FTO: variants seen among roughly 807,000 people sequenced by gnomAD.
FTO encodes FTO alpha-ketoglutarate dependent dioxygenase, also known as alpha-ketoglutarate-dependent dioxygenase FTO.
A neutral mutation model predicts 63.9 loss-of-function variants in FTO; 47 were observed. The observed-to-expected ratio is 0.74, with a 90% CI of 0.58 to 0.94. The LOEUF is 0.94. Ranked by LOEUF, FTO falls within the 40% of genes least tolerant of loss-of-function variation. The pLI is 0.00. For synonymous variants in FTO, 207 were observed against 224.4 expected, an observed-to-expected ratio of 0.92 and a Z score of 0.69; for missense variants, 562 against 618.1, an observed-to-expected ratio of 0.91 and a Z score of 0.96.
intron 8 of FTO, among the ~76,000 whole-genome samples, chr16:53,995,393 G>A (rs540514263): frequency 1.3e-5 from 2 of 152,216 alleles, no homozygotes; most frequent in East Asian, 3.9e-4. Flanking sequence ...AAAGTCATTC[G>A]TCAGCCCACA....
At chr16:53,875,377 G>A (rs2080619178) in intron 5 of FTO, among the ~76,000 whole-genome samples, 1 of 152,186 alleles carries the variant, frequency 6.6e-6, no homozygotes, top group Non-Finnish European at 1.5e-5. Flanking sequence ...TGGGAAATAT[G>A]TTCATGGGGA....
chr16:53,898,389 C>T (rs2081323810), intron 7 of FTO, among the ~76,000 whole-genome samples: 1 of 152,150 alleles, frequency 6.6e-6, no homozygotes, highest in African/African-American at 2.4e-5. Context: ...GAGAGAGTTG[C>T]TCTGACCAAG....
chr16:53,852,519 T>G (rs1026301882), intron 4 of FTO, among the ~76,000 whole-genome samples: 7 of 152,208 alleles, frequency 4.6e-5, no homozygotes, highest in Non-Finnish European at 1.0e-4. Context: ...TACATACAGA[T>G]CTGTAATTTT....
At chr16:53,724,379 G>A (rs1336524552) in intron 1 of FTO, among the ~76,000 whole-genome samples, 1 of 152,222 alleles carries the variant, frequency 6.6e-6, no homozygotes, top group African/African-American at 2.4e-5. Context: ...GTGCTGCCAC[G>A]AAGTCAGGAG....
In FTO at chr16:53,808,154, C is replaced by G. The variant is rs890612499; in HGVS notation, c.46-1986C>G. 5.3e-4 allele frequency among the ~76,000 whole-genome samples: 80 copies of G among 151,910 alleles called. 1 individual carries two copies. The highest frequency in any genetic ancestry group is 1.8e-3 in the African/African-American group (74 of 41,368). ...GACCAGCCTGGGGAACATACTGAGG[C>G]CTCATCTCTACAAAAAAAGTAAAAC... On this transcript the variant is annotated intron_variant, in intron 1 of 8. Transcript: ENST00000471389.
At chr16:53,803,645 GTGTGGC>G (rs2078284861) in intron 1 of FTO, among the ~76,000 whole-genome samples, 1 of 152,110 alleles carries the variant, frequency 6.6e-6, no homozygotes, top group Non-Finnish European at 1.5e-5. Flanking sequence ...GGTGTAGTGG[GTGTGGC>G]CTTGTACCTG....
At chr16:53,873,942 C>A in intron 5 of FTO, 77 bp downstream of exon 5, 2 of 1,089,050 alleles carry the variant, frequency 1.8e-6, no homozygotes, top group Non-Finnish European at 2.8e-6. Context: ...TACTATAGAG[C>A]TTTGGAAGAG....
intron 6 of FTO, among the ~76,000 whole-genome samples, chr16:53,882,459 A>G (rs936044166): frequency 2.6e-5 from 4 of 152,054 alleles, no homozygotes; most frequent in African/African-American, 9.7e-5. Flanking sequence ...TGAGCAGAGA[A>G]TTGAAGGACA....
intron 6 of FTO, among the ~76,000 whole-genome samples, chr16:53,884,532 G>A (rs751569505): frequency 7.2e-5 from 11 of 152,124 alleles, no homozygotes; most frequent in Non-Finnish European, 1.0e-4. Context: ...CCCAAGGGGC[G>A]CAGTCACACA....
At chr16:54,053,630 G>A (rs2085362334) in intron 8 of FTO, among the ~76,000 whole-genome samples, 1 of 152,156 alleles carries the variant, frequency 6.6e-6, no homozygotes, top group African/African-American at 2.4e-5. Context: ...TTTTGTGACA[G>A]AGAAAAAGAC....
rs144352820 is a variant in FTO, at chr16:53,714,613, G to A, written c.45+10384G>A. ...TATGTGGACTCTAGCCTGTTGTCATGTCAATCTTGTTATTTAGGTAAATAG... is the reference window on the plus strand; with the variant it reads ...TATGTGGACTCTAGCCTGTTGTCATATCAATCTTGTTATTTAGGTAAATAG... On this transcript the variant is annotated intron_variant, in intron 1 of 8. Transcript: ENST00000471389. Among the ~76,000 whole-genome samples the A allele has an allele frequency of 1.2e-4, 18 of 152,264 alleles. No homozygotes were observed. The East Asian group carries it at 3.1e-3, about 26-fold the overall frequency.
intron 1 of FTO, among the ~76,000 whole-genome samples, chr16:53,790,091 A>G (rs1367899080): frequency 1.3e-5 from 2 of 150,148 alleles, no homozygotes; most frequent in Non-Finnish European, 3.0e-5. Context: ...ATATATTACT[A>G]TATGTATTTT....
intron 2 of FTO, among the ~76,000 whole-genome samples, chr16:53,814,519 AT>A (rs951909611): frequency 2.2e-4 from 33 of 152,166 alleles, no homozygotes; most frequent in African/African-American, 7.7e-4. Context: ...AGGTTCAAAA[AT>A]TTGTTTAAGA....
At chr16:53,941,816 C>T (rs1273116556) in intron 8 of FTO, among the ~76,000 whole-genome samples, 1 of 152,208 alleles carries the variant, frequency 6.6e-6, no homozygotes, top group Non-Finnish European at 1.5e-5. Context: ...CACTACACTC[C>T]AGCCTGGGTG....
chr16:54,018,839 C>T (rs2007336), intron 8 of FTO, among the ~76,000 whole-genome samples: 78,302 of 151,996 alleles, frequency 0.52, 22,358 homozygotes, highest in African/African-American at 0.76. Context: ...ATAATTTACC[C>T]AGTTTTGGCC....
intron 1 of FTO, among the ~76,000 whole-genome samples, chr16:53,773,745 T>C (rs2077397078): frequency 6.6e-6 from 1 of 152,158 alleles, no homozygotes; most frequent in Non-Finnish European, 1.5e-5. Context: ...AGACCAGAAT[T>C]GTGTGTAACG....
intron 7 of FTO, among the ~76,000 whole-genome samples, chr16:53,897,226 C>T (rs1035468630): frequency 2.0e-5 from 3 of 151,988 alleles, no homozygotes; most frequent in Non-Finnish European, 2.9e-5. Context: ...GATCTCAGTC[C>T]ATCTGGAACC....
chr16:53,986,686 C>G (rs1257859010), intron 8 of FTO, among the ~76,000 whole-genome samples: 1 of 152,096 alleles, frequency 6.6e-6, no homozygotes, highest in Non-Finnish European at 1.5e-5. Flanking sequence ...TATATAATCT[C>G]TAGTAGAGTG....
At chr16:54,107,423 T>C (rs1388377560) in intron 8 of FTO, among the ~76,000 whole-genome samples, 4 of 152,210 alleles carry the variant, frequency 2.6e-5, no homozygotes, top group Non-Finnish European at 2.9e-5. Context: ...ATTGGCTTAT[T>C]TTCATGCAAA....
Sources: gnomAD v4.1 joint callset for allele counts (sites outside exome capture counted in the v4.1 genomes callset) on GRCh38, gnomAD v4.1.1 for gene constraint, MANE v1.5 for transcripts, NCBI Gene and HGNC (gene_info 2026-07-23, HGNC 2026-07-21) for gene names.